The following THOP1 variants were observed in gnomAD, a reference collection of about 807,000 sequenced individuals.
THOP1 encodes thimet oligopeptidase 1, also known as thimet oligopeptidase.
Under a neutral mutation model 71.8 loss-of-function variants are expected in THOP1, and 49 were observed. The ratio of observed to expected loss-of-function variants is 0.68; its 90% CI spans 0.54 to 0.87. The LOEUF is 0.87. Among genes scored for constraint, THOP1 ranks in the 40% least tolerant of loss-of-function variants. The pLI, the probability that THOP1 is intolerant of heterozygous loss-of-function variation, is 0.00. For synonymous variants in THOP1, 426 were observed against 421.5 expected, an observed-to-expected ratio of 1.01 and a Z score of -0.13; for missense variants, 843 against 975.6, an observed-to-expected ratio of 0.86 and a Z score of 1.81.
chr19:2,789,615 C>A lies in THOP1; in HGVS notation c.17-806C>A, dbSNP rs576571092. On this transcript the variant is annotated intron_variant, in intron 1 of 12. Transcript: ENST00000307741. Reference sequence around the variant, plus strand: ...AAGAAGGGACTCCTCCCGAAAACCCCCCGATACCTCACCTTTCCCCTCTGG... The same window carrying A: ...AAGAAGGGACTCCTCCCGAAAACCCACCGATACCTCACCTTTCCCCTCTGG... Among the ~76,000 whole-genome samples the A allele has an allele frequency of 2.3e-4, 35 of 152,324 alleles. 1 individual carries two copies. The highest frequency in any genetic ancestry group is 8.2e-4 in the African/African-American group (34 of 41,580).
intron 12 of THOP1, among the ~76,000 whole-genome samples, chr19:2,812,692 C>T (rs114561715): frequency 0.026 from 3,884 of 152,304 alleles, 147 homozygotes; most frequent in African/African-American, 0.085. Flanking sequence ...CTGGCACCGG[C>T]GCCTCGCAGT....
In THOP1 at chr19:2,810,249, C is replaced by T. The variant is rs1404804630; in HGVS notation, c.1456-55C>T. On this transcript the variant is annotated intron_variant, in intron 9 of 12. Transcript: ENST00000307741. ...TGGCAGCTGACACGGGCCAGGCCGG[C>T]GGGAACGGGCTAGGCAGGACCTGGG... is the stretch of plus-strand genomic sequence containing the variant. 29 of 1,572,522 alleles carry T rather than the reference C, an allele frequency of 1.8e-5. 1 individual carries two copies. In the South Asian group the frequency reaches 2.5e-4, roughly 14 times the overall value.
chr19:2,799,642 G>A, intron 4 of THOP1, 47 bp from the exon 5 acceptor site: 1 of 1,514,942 alleles, frequency 6.6e-7, no homozygotes, highest in Non-Finnish European at 9.1e-7. Context: ...TCCCCGCGGA[G>A]CCCGCCCCGG....
In THOP1 at chr19:2,810,694, C is replaced by G. The variant is rs182189341; in HGVS notation, c.1697C>G (p.Thr566Arg). Residue 566 changes from threonine to arginine, a missense_variant, in exon 11 of 13, where the codon ACG (threonine) becomes AGG (arginine). Transcript: ENST00000307741. ...VLAKVDQALH[T>R]QTDADPAEEY... The stretch of plus-strand genomic sequence containing the variant: ...GCCAAGGTGGACCAGGCCCTGCACA[C>G]GCAGACGGACGCAGACCCCGCCGAG... 8 of 1,573,106 alleles carry G rather than the reference C, an allele frequency of 5.1e-6. No individual in the cohort carries two copies. Among genetic ancestry groups the G allele is most frequent in the East Asian group, 4.7e-5 (2 of 42,884 alleles).
intron 5 of THOP1, among the ~76,000 whole-genome samples, chr19:2,803,006 C>T (rs566657464): frequency 4.6e-5 from 7 of 151,446 alleles, no homozygotes; most frequent in South Asian, 4.1e-4. Context: ...ACCGCAGGCT[C>T]GGCCTCTGAG....
rs552628480 is a variant in THOP1, at chr19:2,785,990, A to G, written c.16+312A>G. On this transcript the variant is annotated intron_variant, in intron 1 of 12. Transcript: ENST00000307741. ...TTTTCCTGGAATTCTAGAGCCACAGACAGACATTCAAAAATTAAATAAGAG... is the reference window on the plus strand; with the variant it reads ...TTTTCCTGGAATTCTAGAGCCACAGGCAGACATTCAAAAATTAAATAAGAG... Among the ~76,000 whole-genome samples the G allele has an allele frequency of 6.0e-4, 91 of 152,336 alleles. 1 individual carries two copies. Among genetic ancestry groups the G allele is most frequent in the African/African-American group, 1.9e-3 (80 of 41,568 alleles).
intron 9 of THOP1, chr19:2,810,101 G>A: frequency 3.2e-6 from 2 of 628,662 alleles, no homozygotes; most frequent in Non-Finnish European, 5.4e-6. Context: ...ATCTTCAGGT[G>A]TGTCCTGCTG....
In THOP1 at chr19:2,813,136, T is replaced by A; in HGVS notation, c.1930T>A (p.Cys644Ser). ...NSKVGMDYRS[C>S]ILRPGGSEDA... is the part of the protein sequence containing the mutation. The stretch of plus-strand genomic sequence containing the variant: ...GCAGGTTGGCATGGATTACAGAAGC[T>A]GCATCCTGAGACCCGGCGGTTCCGA... The change falls in exon 13 of 13, where the codon TGC (cysteine) becomes AGC (serine). Residue 644 changes from cysteine (C) to serine (S), a missense_variant. Transcript: ENST00000307741. The A allele has an allele frequency of 1.2e-6, 2 of 1,611,354 alleles. No homozygotes were observed. The highest frequency in any genetic ancestry group is 1.7e-6 in the Non-Finnish European group (2 of 1,179,234).
At position 2,804,592 on chromosome 19, in the gene THOP1, C is replaced by G. The variant is rs757787108; in HGVS notation, c.590-424C>G. ...CTTTGATGGGAGGCACTGCCTCTAA[C>G]GCTGGTTTCCTTGTGCAGTGGCCGG... On this transcript the variant is annotated intron_variant, in intron 5 of 12. Transcript: ENST00000307741. This position sits in a 1 kb window ranked among gnomAD's most constrained non-coding sequence, Gnocchi z 4.7. 1.9e-5 allele frequency: 3 copies of G among 161,450 alleles called. No individual in the cohort carries two copies. Among genetic ancestry groups the G allele is most frequent in the African/African-American group, 7.2e-5 (3 of 41,622 alleles). The allele number at this position is 161,450 out of a possible 1,614,324, so 10.0% of individuals were successfully genotyped here.
chr19:2,798,943 T>C (rs941082195), intron 4 of THOP1, among the ~76,000 whole-genome samples: 3 of 152,332 alleles, frequency 2.0e-5, no homozygotes, highest in East Asian at 3.9e-4. Context: ...GAGGGACCAC[T>C]CAAGATTCAG....
Position 2,799,718 on chromosome 19 carries a change from C to G in THOP1, c.516C>G (p.Ser172Arg), listed in dbSNP as rs751342662. 13 of 1,613,904 alleles carry G rather than the reference C, an allele frequency of 8.1e-6. No homozygotes were observed. Among genetic ancestry groups the G allele is most frequent in the Non-Finnish European group, 1.1e-5 (13 of 1,179,994 alleles). Reference protein sequence around the residue: ...ENIKRIKKKLSLLCIDFNKNL... With the variant: ...ENIKRIKKKLRLLCIDFNKNL... ...TCAAACGCATCAAGAAGAAGCTGAG[C>G]CTTCTGTGCATCGACTTCAACAAGA... Residue 172 changes from serine (S) to arginine (R), a missense_variant, in exon 5 of 13, where the codon AGC becomes AGG. Transcript: ENST00000307741.
rs1221853610 is a variant in THOP1, at chr19:2,785,657, C to T, written c.-6C>T. ...GGAGGGAGCCGCAGGCGCAGACCCA[C>T]CCGCCATGAAGCCCCCCGCAGGTAC... On this transcript the variant is annotated 5_prime_UTR_variant, in exon 1 of 13. Coordinates refer to ENST00000307741, the MANE Select transcript of THOP1 (RefSeq NM_003249.5). 6.7e-7 allele frequency: 1 copy of T among 1,494,262 alleles called. No homozygotes were observed. The highest frequency in any genetic ancestry group is 8.9e-7 in the Non-Finnish European group (1 of 1,119,748). 92.6% of individuals were successfully genotyped at this position (1,494,262 alleles called of 1,614,324 possible). A position where few individuals can be genotyped will look rare whatever the true frequency, so the allele number is the denominator to read the frequency against.
chr19:2,797,420 C>T (rs542540753), intron 4 of THOP1, among the ~76,000 whole-genome samples: 2 of 152,184 alleles, frequency 1.3e-5, no homozygotes, highest in Admixed American at 6.5e-5. Flanking sequence ...CAGTAGAAAC[C>T]GTGCTTGGAA....
At chr19:2,798,651 G>A (rs1254962412) in intron 4 of THOP1, among the ~76,000 whole-genome samples, 1 of 152,256 alleles carries the variant, frequency 6.6e-6, no homozygotes, top group Non-Finnish European at 1.5e-5. Flanking sequence ...CCCAGGAGAG[G>A]CCCAGCAAAC....
At chr19:2,789,607 G>A (rs919073569) in intron 1 of THOP1, among the ~76,000 whole-genome samples, 8 of 152,166 alleles carry the variant, frequency 5.3e-5, no homozygotes, top group Admixed American at 6.5e-5. Flanking sequence ...GACTCCTCCC[G>A]AAAACCCCCC....
Position 2,804,871 on chromosome 19 carries a change from G to T in THOP1, c.590-145G>T, listed in dbSNP as rs796655845. 1 of 737,024 alleles carries T rather than the reference G, an allele frequency of 1.4e-6. No individual in the cohort carries two copies. The highest frequency in any genetic ancestry group is 2.1e-6 in the Non-Finnish European group (1 of 468,936). The allele number at this position is 737,024 out of a possible 1,614,324, so 45.7% of individuals were successfully genotyped here. A position where few individuals can be genotyped will look rare whatever the true frequency, so the allele number is the denominator to read the frequency against. ...AGATGGGGGATGTAAGAATTGCAGC[G>T]GGTGGTGGCCAGGCTGCAGCTGCTC... On this transcript the variant is annotated intron_variant, in intron 5 of 12. Coordinates refer to ENST00000307741, the MANE Select transcript of THOP1 (RefSeq NM_003249.5). This position sits in a 1 kb window ranked among gnomAD's most constrained non-coding sequence, Gnocchi z 4.7.
intron 5 of THOP1, among the ~76,000 whole-genome samples, chr19:2,803,664 G>A (rs1002184955): frequency 5.3e-5 from 8 of 152,174 alleles, no homozygotes; most frequent in Admixed American, 3.3e-4. Context: ...TGGAAAGGAC[G>A]ATGTGCAGGT....
At chr19:2,813,031 T>C (rs1455819248) in intron 12 of THOP1, 84 bp from the exon 13 acceptor site, 1 of 1,457,086 alleles carries the variant, frequency 6.9e-7, no homozygotes, top group Non-Finnish European at 9.1e-7. Flanking sequence ...GAGGCCCCCC[T>C]GGGCGAGGGT....
intron 7 of THOP1, 56 bp from the exon 8 acceptor site, chr19:2,807,386 C>T (rs1916320986): frequency 2.0e-6 from 3 of 1,514,126 alleles, no homozygotes; most frequent in Non-Finnish European, 1.8e-6. Flanking sequence ...CGGGCGAGCC[C>T]AGAGCCATGG....
Sources: gnomAD v4.1 joint callset for allele counts (sites outside exome capture counted in the v4.1 genomes callset) on GRCh38, gnomAD v4.1.1 for gene constraint, Gnocchi (gnomAD v3.1) non-coding constraint, MANE v1.5 for transcripts, NCBI Gene and HGNC (gene_info 2026-07-23, HGNC 2026-07-21) for gene names.